The following HDC variants were observed in gnomAD, a reference collection of about 807,000 sequenced individuals.
The protein encoded by HDC is histidine decarboxylase.
Under a neutral mutation model 64.4 loss-of-function variants are expected in HDC, and 27 were observed. That is an observed-to-expected ratio of 0.42 (90% confidence interval 0.31 to 0.58). The LOEUF (loss-of-function observed/expected upper bound fraction) is 0.58, where lower values mean the gene tolerates loss of function less well. Among genes scored for constraint, HDC ranks in the 20% least tolerant of loss-of-function variants. The pLI is 0.16. For synonymous variants in HDC, 305 were observed against 314.2 expected, an observed-to-expected ratio of 0.97 and a Z score of 0.31; for missense variants, 711 against 833.9, an observed-to-expected ratio of 0.85 and a Z score of 1.81.
intron 2 of HDC, among the ~76,000 whole-genome samples, chr15:50,259,752 T>C (rs939816339): frequency 2.0e-5 from 3 of 152,176 alleles, no homozygotes; most frequent in Non-Finnish European, 4.4e-5. Flanking sequence ...TCTAGAATTC[T>C]AGATGTTTCA....
intron 6 of HDC, 68 bp from the exon 7 acceptor site, chr15:50,253,734 A>G: frequency 8.1e-7 from 1 of 1,242,120 alleles, no homozygotes; most frequent in Non-Finnish European, 1.2e-6. Context: ...CCTGAGAAAG[A>G]TTTCACCACA....
rs1404279453 is a variant in HDC at position 50,257,463 on chromosome 15, G to A, written c.403C>T (p.His135Tyr). ...CCGCCCTGGCTGCTGGGGTGGTGGT[G>A]CAAGAAGTGCTCTGGAAGTCCCAGC... ...KMLGLPEHFL[H>Y]HHPSSQGGGV... Residue 135 changes from histidine (H) to tyrosine (Y), a missense_variant, in exon 4 of 12, where the codon CAC becomes TAC. His to Tyr is a moderately conservative substitution (Grantham distance 83, BLOSUM62 2). This residue lies in a region of HDC where 225 missense variants were observed against 276.2 expected (regional missense o/e 0.81). Transcript: ENST00000267845. 3 of 1,614,114 alleles carry A rather than the reference G, an allele frequency of 1.9e-6. No homozygotes were observed. Among genetic ancestry groups the A allele is most frequent in the East Asian group, 2.2e-5 (1 of 44,900 alleles).
intron 6 of HDC, 86 bp from the exon 7 acceptor site, chr15:50,253,752 TC>T (rs2140934789): frequency 1.0e-6 from 1 of 987,942 alleles, no homozygotes; most frequent in African/African-American, 1.6e-5. Context: ...ACAGACGTGA[TC>T]TACTCCCATC....
At chr15:50,243,296 A>G (rs1428269715) in intron 10 of HDC, 52 bp from the exon 11 acceptor site, 1 of 1,212,340 alleles carries the variant, frequency 8.2e-7, no homozygotes, top group Non-Finnish European at 1.2e-6. Flanking sequence ...ACAAGAGACT[A>G]TGCATAAACT....
rs2045654586 is a variant in HDC, at chr15:50,257,992, A to G, written c.318+412T>C. Among the ~76,000 whole-genome samples, 4 of 137,796 alleles carry G rather than the reference A, an allele frequency of 2.9e-5. No homozygotes were observed. In the South Asian group the frequency reaches 9.3e-4, roughly 32 times the overall value. The allele number at this position is 137,796 out of a possible 152,430, so 90.4% of individuals were successfully genotyped here. A position where few individuals can be genotyped will look rare whatever the true frequency, so the allele number is the denominator to read the frequency against. On this transcript the variant is annotated intron_variant, in intron 3 of 11. Coordinates refer to ENST00000267845, the MANE Select transcript of HDC (RefSeq NM_002112.4). ...CACCATTTAAAGCTGAGTGGTGCTT[A>G]AGGGGTTATTAAGGGAAGTCTTAGG...
At chr15:50,247,318 A>G (rs1407224552) in intron 10 of HDC, among the ~76,000 whole-genome samples, 3 of 152,216 alleles carry the variant, frequency 2.0e-5, no homozygotes, top group Non-Finnish European at 4.4e-5. Context: ...ATCATTGCAC[A>G]TTGTATGCCT....
intron 9 of HDC, among the ~76,000 whole-genome samples, chr15:50,252,048 T>G (rs1482723603): frequency 1.3e-5 from 2 of 151,714 alleles, no homozygotes; most frequent in African/African-American, 4.9e-5. Context: ...GAAAGCTCTT[T>G]CCCCACCAGG....
intron 10 of HDC, among the ~76,000 whole-genome samples, chr15:50,244,285 CTTTTTTTTTTTTTTT>C (rs554623599): frequency 9.5e-6 from 1 of 105,176 alleles, no homozygotes; most frequent in Non-Finnish European, 2.0e-5. Flanking sequence ...AGCTGAACCT[CTTTTTTTTTTTTTTT>C]TTTTTTTTTT....
In HDC at chr15:50,258,525, C is replaced by T; in HGVS notation, c.205-8G>A. 1 of 1,555,606 alleles carries T rather than the reference C, an allele frequency of 6.4e-7. No individual in the cohort carries two copies. The highest frequency in any genetic ancestry group is 8.9e-7 in the Non-Finnish European group (1 of 1,126,960). On this transcript the variant is annotated splice_region_variant and splice_polypyrimidine_tract_variant and intron_variant, in intron 2 of 11. Coordinates refer to ENST00000267845, the MANE Select transcript of HDC (RefSeq NM_002112.4). ...GCTCTGCCAATGTACCACCTGGAGG[C>T]AGAGCATGCACAGAGTTGGCACCAG... is the stretch of plus-strand genomic sequence containing the variant.
chr15:50,242,737 C>T lies in HDC; in HGVS notation c.1512G>A (p.Thr504=), dbSNP rs765392492. The T allele has an allele frequency of 1.9e-6, 3 of 1,614,028 alleles. No individual in the cohort carries two copies. The highest frequency in any genetic ancestry group is 2.5e-6 in the Non-Finnish European group (3 of 1,180,032). ...CTGCCCCACTGACAGACTGAAGGGA[C>T]GTTCCACAGGCCCAGGCTCTGGCAC... ...IRGARAWACG[T]SLQSVSGAGD... Residue 504 remains threonine, a synonymous_variant, in exon 12 of 12, where the codon ACG becomes ACA. Coordinates refer to ENST00000267845, the MANE Select transcript of HDC (RefSeq NM_002112.4).
intron 4 of HDC, 83 bp from the exon 5 acceptor site, chr15:50,254,747 TC>T: frequency 2.7e-6 from 2 of 731,834 alleles, no homozygotes; most frequent in Non-Finnish European, 4.3e-6. Context: ...TTTCTCTCTC[TC>T]TCTCTCTCTC....
At chr15:50,246,175 G>A (rs964293991) in intron 10 of HDC, among the ~76,000 whole-genome samples, 5 of 152,184 alleles carry the variant, frequency 3.3e-5, no homozygotes, top group Non-Finnish European at 5.9e-5. Context: ...AGCCTTGCCA[G>A]GTTAGAGTGA....
intron 9 of HDC, among the ~76,000 whole-genome samples, chr15:50,252,160 G>A (rs1486157675): frequency 6.6e-6 from 1 of 152,204 alleles, no homozygotes; most frequent in Non-Finnish European, 1.5e-5. Flanking sequence ...GAGCATTTCT[G>A]GGAATTAAAA....
At position 50,254,660 on chromosome 15, in the gene HDC, G is replaced by A. The variant is rs751827833; in HGVS notation, c.446C>T (p.Thr149Met). 16 of 1,613,886 alleles carry A rather than the reference G, an allele frequency of 9.9e-6. No individual in the cohort carries two copies. The highest frequency in any genetic ancestry group is 2.2e-5 in the East Asian group (1 of 44,896). Reference sequence around the variant, plus strand: ...GGCAATCAAAGTGGATTCACTGACCGTGCTCTGCAGGGGAAAAGGATTATC... The same window carrying A: ...GGCAATCAAAGTGGATTCACTGACCATGCTCTGCAGGGGAAAAGGATTATC... ...SSQGGGVLQS[T>M]VSESTLIALL... The change falls in exon 5 of 12, where the codon ACG becomes ATG. Residue 149 changes from threonine (T) to methionine (M), a missense_variant. Transcript: ENST00000267845.
At chr15:50,254,443 C>A in intron 5 of HDC, 87 bp downstream of exon 5, 2 of 1,585,414 alleles carry the variant, frequency 1.3e-6, no homozygotes, top group South Asian at 2.2e-5. Context: ...CCCCAGCGTA[C>A]TCACGTCTAG....
At chr15:50,243,110 T>A in intron 11 of HDC, 33 bp downstream of exon 11, 2 of 1,611,572 alleles carry the variant, frequency 1.2e-6, no homozygotes, top group Non-Finnish European at 1.7e-6. Context: ...CCACAAGACA[T>A]CATTCACAGA....
chr15:50,242,026 C>T lies in HDC; in HGVS notation c.*234G>A. The T allele has an allele frequency of 1.7e-6, 1 of 588,382 alleles. No individual in the cohort carries two copies. Among genetic ancestry groups the T allele is most frequent in the East Asian group, 2.8e-5 (1 of 35,502 alleles). The allele number at this position is 588,382 out of a possible 1,614,324, so 36.4% of individuals were successfully genotyped here. A position where few individuals can be genotyped will look rare whatever the true frequency, so the allele number is the denominator to read the frequency against. ...CTGAACCACAGAAGCTGCCTGTCTA[C>T]CCTCGGCCCTTTCTCACTGACCAGA... On this transcript the variant is annotated 3_prime_UTR_variant, in exon 12 of 12. Transcript: ENST00000267845.
At chr15:50,251,504 GC>G (rs2045553521) in intron 9 of HDC, among the ~76,000 whole-genome samples, 1 of 152,132 alleles carries the variant, frequency 6.6e-6, no homozygotes, top group Non-Finnish European at 1.5e-5. Context: ...AACCAAGCTT[GC>G]CCCCACTCTG....
intron 1 of HDC, among the ~76,000 whole-genome samples, chr15:50,263,961 G>A (rs1042069232): frequency 3.9e-5 from 6 of 152,264 alleles, no homozygotes; most frequent in Middle Eastern, 3.4e-3. Context: ...AAAGTGAAAC[G>A]TTTCATTTTC....
Sources: gnomAD v4.1 joint callset for allele counts (sites outside exome capture counted in the v4.1 genomes callset) on GRCh38, gnomAD v4.1.1 for gene constraint, gnomAD v4.1.1 regional missense constraint, MANE v1.5 for transcripts, NCBI Gene and HGNC (gene_info 2026-07-23, HGNC 2026-07-21) for gene names.